Variants in KIF25 observed in about 807,000 individuals in gnomAD.
KIF25 encodes the protein kinesin family member 25.
Under a neutral mutation model 32.9 loss-of-function variants are expected in KIF25, and 19 were observed. The ratio of observed to expected loss-of-function variants is 0.58; its 90% CI spans 0.40 to 0.85. The LOEUF (loss-of-function observed/expected upper bound fraction) is 0.85, where lower values mean the gene tolerates loss of function less well. Among genes scored for constraint, KIF25 ranks in the 40% least tolerant of loss-of-function variants. KIF25 has a pLI of 0.00. For missense variants in KIF25, 485 were observed against 507.0 expected (o/e 0.96, Z 0.42); for synonymous variants, 225 against 213.7 (o/e 1.05, Z -0.46).
intron 5 of KIF25, among the ~76,000 whole-genome samples, chr6:168,027,990 A>G (rs756575386): frequency 5.3e-5 from 8 of 152,070 alleles, no homozygotes; most frequent in Non-Finnish European, 7.4e-5. Flanking sequence ...ACATGTTTAC[A>G]TGATCGTAGG....
At chr6:168,037,789 C>T (rs1294849118) in intron 8 of KIF25, among the ~76,000 whole-genome samples, 1 of 152,098 alleles carries the variant, frequency 6.6e-6, no homozygotes, top group Non-Finnish European at 1.5e-5. Flanking sequence ...TGTCTCAGCT[C>T]ACTGAAACCT....
At chr6:168,003,253 A>G (rs1485607396) in intron 3 of KIF25, among the ~76,000 whole-genome samples, 6 of 152,246 alleles carry the variant, frequency 3.9e-5, no homozygotes, top group African/African-American at 1.4e-4. Flanking sequence ...GGGGTATTGG[A>G]GTAAAAAAAT....
rs1583120111 is a variant in KIF25, at chr6:167,999,179, C to T, written c.-511C>T. ...CGGTGCACGTTCAGTGGGGGATGCTCCGCAGTGCAGGCTCGCGCCCGGGTT... is the reference window on the plus strand; with the variant it reads ...CGGTGCACGTTCAGTGGGGGATGCTTCGCAGTGCAGGCTCGCGCCCGGGTT... On this transcript the variant is annotated 5_prime_UTR_variant, in exon 2 of 13. Transcript: ENST00000643607. 6.6e-6 allele frequency: 1 copy of T among 152,404 alleles called. No individual in the cohort carries two copies. Among genetic ancestry groups the T allele is most frequent in the East Asian group, 1.9e-4 (1 of 5,184 alleles). The allele number at this position is 152,404 out of a possible 1,614,324, so 9.4% of individuals were successfully genotyped here. A position where few individuals can be genotyped will look rare whatever the true frequency, so the allele number is the denominator to read the frequency against.
intron 12 of KIF25, among the ~76,000 whole-genome samples, chr6:168,043,469 G>A (rs1015217745): frequency 6.6e-6 from 1 of 152,206 alleles, no homozygotes; most frequent in Non-Finnish European, 1.5e-5. Flanking sequence ...GCTGGTGCTC[G>A]GGACTCGGGG....
rs1798454455 is a variant in KIF25 at position 167,998,601 on chromosome 6, A to C, written c.-868A>C. On this transcript the variant is annotated 5_prime_UTR_variant, in exon 1 of 13. Coordinates refer to ENST00000643607, the MANE Select transcript of KIF25 (RefSeq NM_030615.4). The stretch of plus-strand genomic sequence containing the variant: ...TTTCCTTCCAGTCATTAAATCAAGG[A>C]AATATGACAGATACTGAATTTCCAA... The C allele has an allele frequency of 6.6e-6, 1 of 152,222 alleles. No homozygotes were observed. The highest frequency in any genetic ancestry group is 2.4e-5 in the African/African-American group (1 of 41,466). 9.4% of individuals were successfully genotyped at this position (152,222 alleles called of 1,614,324 possible).
chr6:168,044,787 CTCT>C, intron 12 of KIF25, 37 bp from the exon 13 acceptor site: 3 of 1,541,942 alleles, frequency 1.9e-6, no homozygotes, highest in Non-Finnish European at 2.6e-6. Flanking sequence ...TCAGATGCTG[CTCT>C]TCTTTCCAGC....
At chr6:168,025,469 G>A (rs1260663854) in intron 5 of KIF25, among the ~76,000 whole-genome samples, 3 of 152,108 alleles carry the variant, frequency 2.0e-5, no homozygotes, top group Non-Finnish European at 4.4e-5. Context: ...CATTTAAATT[G>A]TGTTTAAAAT....
At chr6:168,044,284 C>T (rs1352667189) in intron 12 of KIF25, among the ~76,000 whole-genome samples, 1 of 137,816 alleles carries the variant, frequency 7.3e-6, no homozygotes, top group Admixed American at 7.2e-5. Context: ...CTGACCCTCC[C>T]GGACCCAGGT....
Position 168,042,299 on chromosome 6 carries a change from T to G in KIF25, c.829+148T>G, listed in dbSNP as rs61326012. On this transcript the variant is annotated intron_variant, in intron 11 of 12. Transcript: ENST00000643607. Reference sequence around the variant, plus strand: ...AGGTGAGTTCCAAATCCCGTTACATTCTCAGGGATTGGTTCTCTTACCCCG... The same window carrying G: ...AGGTGAGTTCCAAATCCCGTTACATGCTCAGGGATTGGTTCTCTTACCCCG... The G allele has an allele frequency of 1.8e-3, 1,675 of 936,184 alleles. 29 individuals are homozygous for G. In the African/African-American group the frequency reaches 0.025, roughly 14 times the overall value. 58.0% of individuals were successfully genotyped at this position (936,184 alleles called of 1,614,324 possible). A position where few individuals can be genotyped will look rare whatever the true frequency, so the allele number is the denominator to read the frequency against.
chr6:168,024,999 C>T (rs1249265318), intron 5 of KIF25, among the ~76,000 whole-genome samples: 1 of 152,038 alleles, frequency 6.6e-6, no homozygotes, highest in Non-Finnish European at 1.5e-5. Context: ...TGCAGTGAGC[C>T]GAGAATGTGC....
chr6:168,028,166 G>A (rs928931305), intron 5 of KIF25, among the ~76,000 whole-genome samples: 6 of 151,740 alleles, frequency 4.0e-5, no homozygotes, highest in South Asian at 2.1e-4. Flanking sequence ...TTACTGCAAC[G>A]CCACTTATTT....
intron 5 of KIF25, among the ~76,000 whole-genome samples, chr6:168,029,258 A>G (rs926509875): frequency 5.3e-5 from 8 of 152,240 alleles, no homozygotes; most frequent in African/African-American, 1.9e-4. Context: ...TTTTTCAGAA[A>G]TAGTTTGCCA....
At chr6:168,000,132 GA>G (rs1798478073) in intron 2 of KIF25, among the ~76,000 whole-genome samples, 2 of 75,026 alleles carry the variant, frequency 2.7e-5, no homozygotes, top group Non-Finnish European at 5.1e-5. Flanking sequence ...GTCTACACCT[GA>G]CCCTCCCCAC....
chr6:168,015,119 G>T (rs74917676), intron 4 of KIF25, among the ~76,000 whole-genome samples: 1 of 152,058 alleles, frequency 6.6e-6, no homozygotes, highest in African/African-American at 2.4e-5. Context: ...ACGTGGGTTC[G>T]CTGGGCCTTG....
chr6:168,021,363 C>T (rs1156573092), intron 5 of KIF25, among the ~76,000 whole-genome samples: 2 of 152,064 alleles, frequency 1.3e-5, no homozygotes, highest in African/African-American at 2.4e-5. Flanking sequence ...ACCCTGCCTC[C>T]CCAGCTTCCG....
rs777480058 is a variant in KIF25 at position 168,042,053 on chromosome 6, C to A, written c.731C>A (p.Ala244Asp). Residue 244 changes from alanine to aspartate, a missense_variant, in exon 11 of 13, where the codon GCC (alanine) becomes GAC (aspartate). This residue lies in a region of KIF25 where 480 missense variants were observed against 470.3 expected (regional missense o/e 1.02). Coordinates refer to ENST00000643607, the MANE Select transcript of KIF25 (RefSeq NM_030615.4). ...AGGAGCCGCAGAGCTTCTCAAGGGG[C>A]CTTGGCTCCACAGCTGGTTCCTGGG... ...AGRSRRASQG[A>D]LAPQLVPGNP... 7 of 1,551,336 alleles carry A rather than the reference C, an allele frequency of 4.5e-6. No individual in the cohort carries two copies. Among genetic ancestry groups the A allele is most frequent in the Middle Eastern group, 1.7e-4 (1 of 5,740 alleles).
At chr6:168,026,446 T>C (rs1798862107) in intron 5 of KIF25, among the ~76,000 whole-genome samples, 1 of 152,200 alleles carries the variant, frequency 6.6e-6, no homozygotes. Flanking sequence ...TGGGGTAATA[T>C]TGTTTAGCAT....
intron 12 of KIF25, 97 bp from the exon 13 acceptor site, chr6:168,044,708 GCTGGGGCGCCGGGCGGCCCTCT>G: frequency 9.4e-7 from 1 of 1,067,288 alleles, no homozygotes; most frequent in Non-Finnish European, 1.3e-6. Context: ...CCACTTTCCC[GCTGGGGCGCCGGGCGGCCCTCT>G]CTGCAGCCGC....
At chr6:168,027,632 C>T (rs1232954268) in intron 5 of KIF25, among the ~76,000 whole-genome samples, 1 of 152,082 alleles carries the variant, frequency 6.6e-6, no homozygotes, top group Non-Finnish European at 1.5e-5. Context: ...GGTGCCAGGT[C>T]CCAGGGCCAG....
Sources: allele counts gnomAD v4.1 joint callset (sites outside exome capture counted in the v4.1 genomes callset), GRCh38; gene constraint gnomAD v4.1.1; regional missense constraint gnomAD v4.1.1; transcripts MANE v1.5; gene names NCBI Gene and HGNC (gene_info 2026-07-23, HGNC 2026-07-21).